WDFY2: variants seen among roughly 807,000 people sequenced by gnomAD.
WDFY2 encodes WD repeat and FYVE domain-containing protein 2.
WDFY2 carries 36 observed loss-of-function variants against 56.4 expected under a neutral mutation model. The observed-to-expected ratio is 0.64, with a 90% CI of 0.49 to 0.84. The LOEUF (loss-of-function observed/expected upper bound fraction) is 0.84, where lower values mean the gene tolerates loss of function less well. Among genes scored for constraint, WDFY2 ranks in the 40% least tolerant of loss-of-function variants. The pLI is 0.00. For missense variants in WDFY2, 444 were observed against 512.2 expected (o/e 0.87, Z 1.29); for synonymous variants, 176 against 183.7 (o/e 0.96, Z 0.34).
chr13:51,741,591 C>T (rs1315367983), intron 7 of WDFY2, among the ~76,000 whole-genome samples: 6 of 152,248 alleles, frequency 3.9e-5, no homozygotes, highest in South Asian at 2.1e-4. Flanking sequence ...GAACAACTTG[C>T]GCAGCCGCCA....
chr13:51,756,525 C>T, intron 10 of WDFY2, 63 bp downstream of exon 10: 1 of 1,548,196 alleles, frequency 6.5e-7, no homozygotes, highest in East Asian at 2.3e-5. Context: ...GAGCCTTGCA[C>T]TCAGCGCCGC....
intron 1 of WDFY2, among the ~76,000 whole-genome samples, chr13:51,653,733 C>G (rs1461489804): frequency 1.3e-5 from 2 of 152,196 alleles, no homozygotes; most frequent in East Asian, 3.9e-4. Flanking sequence ...TATTGGTGAA[C>G]AGCAAATGTT....
chr13:51,614,050 G>T (rs1215296745), intron 1 of WDFY2, among the ~76,000 whole-genome samples: 1 of 151,904 alleles, frequency 6.6e-6, no homozygotes, highest in Non-Finnish European at 1.5e-5. Context: ...GCTGGGCCTG[G>T]TGGTGGGCGC....
intron 1 of WDFY2, among the ~76,000 whole-genome samples, chr13:51,634,303 C>G (rs1397681119): frequency 6.6e-6 from 1 of 151,150 alleles, no homozygotes; most frequent in Non-Finnish European, 1.5e-5. Flanking sequence ...AAATCTTACT[C>G]TGTGAGTTCT....
At chr13:51,759,044 T>C (rs1369705383) in intron 11 of WDFY2, among the ~76,000 whole-genome samples, 1 of 152,022 alleles carries the variant, frequency 6.6e-6, no homozygotes, top group Admixed American at 6.5e-5. Context: ...TAGCCAGACG[T>C]GGTGGTTCCT....
intron 1 of WDFY2, among the ~76,000 whole-genome samples, chr13:51,635,746 C>G (rs990805962): frequency 6.6e-6 from 1 of 152,138 alleles, no homozygotes; most frequent in East Asian, 1.9e-4. Context: ...CTCTCTTACT[C>G]GTAGTACTTT....
intron 5 of WDFY2, among the ~76,000 whole-genome samples, chr13:51,722,450 T>A (rs577789404): frequency 3.8e-4 from 57 of 151,972 alleles, no homozygotes; most frequent in Non-Finnish European, 4.4e-5. Context: ...CAAATATAAA[T>A]GACCTGTAAT....
chr13:51,665,288 C>T (rs918261822), intron 2 of WDFY2, among the ~76,000 whole-genome samples: 1 of 152,182 alleles, frequency 6.6e-6, no homozygotes, highest in Non-Finnish European at 1.5e-5. Context: ...GTAGTAGCTG[C>T]ACATTGCCTG....
intron 1 of WDFY2, among the ~76,000 whole-genome samples, chr13:51,609,697 G>T (rs951474621): frequency 7.9e-5 from 10 of 126,384 alleles, no homozygotes; most frequent in African/African-American, 2.7e-4. Flanking sequence ...GTGATTAAAA[G>T]AAAAAAAATA....
At chr13:51,617,917 A>G (rs1052408561) in intron 1 of WDFY2, among the ~76,000 whole-genome samples, 1 of 152,254 alleles carries the variant, frequency 6.6e-6, no homozygotes, top group African/African-American at 2.4e-5. Context: ...ATTCATTTAC[A>G]AAAGATAAAG....
chr13:51,641,736 G>A (rs1234891916), intron 1 of WDFY2, among the ~76,000 whole-genome samples: 2 of 140,038 alleles, frequency 1.4e-5, no homozygotes, highest in East Asian at 4.5e-4. Context: ...TGAGGCAGGA[G>A]AATGACGTGA....
intron 1 of WDFY2, among the ~76,000 whole-genome samples, chr13:51,637,819 C>A (rs1955081244): frequency 6.6e-6 from 1 of 152,162 alleles, no homozygotes; most frequent in Non-Finnish European, 1.5e-5. Context: ...GTCTTAATTA[C>A]TGTATTTTGC....
Position 51,620,237 on chromosome 13 carries a change from GT to G in WDFY2, c.137+35414del, listed in dbSNP as rs374925595. On this transcript the variant is annotated intron_variant, in intron 1 of 11. Transcript: ENST00000298125. ...GTGGGGGTGGGTGGGTTGGGAGACT[GT>G]GTGGGTGGATGGAATCCATAGACCC... is the stretch of plus-strand genomic sequence containing the variant. Among the ~76,000 whole-genome samples, 971 of 152,116 alleles carry G rather than the reference GT, an allele frequency of 6.4e-3. 13 individuals carry two copies. The highest frequency in any genetic ancestry group is 0.019 in the African/African-American group (808 of 41,436).
intron 1 of WDFY2, among the ~76,000 whole-genome samples, chr13:51,596,970 A>G (rs887043046): frequency 6.6e-6 from 1 of 152,220 alleles, no homozygotes; most frequent in African/African-American, 2.4e-5. Flanking sequence ...TCAGTGTAGT[A>G]TACGGAGAAG....
intron 3 of WDFY2, among the ~76,000 whole-genome samples, chr13:51,688,457 T>TA (rs1056214353): frequency 3.9e-4 from 59 of 152,260 alleles, no homozygotes; most frequent in African/African-American, 1.3e-3. Flanking sequence ...GATCAGTGGA[T>TA]AAAAAATCAA....
In WDFY2 at chr13:51,584,471, C is replaced by A; in HGVS notation, c.-217C>A. Reference sequence around the variant, plus strand: ...TCCGCCCCCTCCTCTTGTAGTGGCGCCGGCTTGCATCCCAGGTCGTGGCGG... The same window carrying A: ...TCCGCCCCCTCCTCTTGTAGTGGCGACGGCTTGCATCCCAGGTCGTGGCGG... On this transcript the variant is annotated 5_prime_UTR_variant, in exon 1 of 12. Transcript: ENST00000298125. 1.7e-6 allele frequency: 1 copy of A among 585,578 alleles called. No individual in the cohort carries two copies. The highest frequency in any genetic ancestry group is 2.8e-6 in the Non-Finnish European group (1 of 354,026). The allele number at this position is 585,578 out of a possible 1,614,324, so 36.3% of individuals were successfully genotyped here.
chr13:51,700,704 G>A (rs1022712568), intron 3 of WDFY2, among the ~76,000 whole-genome samples: 1 of 152,226 alleles, frequency 6.6e-6, no homozygotes, highest in African/African-American at 2.4e-5. Context: ...GGTGGCTCAT[G>A]CCTGTAATCC....
rs1271677984 is a variant in WDFY2, at chr13:51,765,812, G to C, written c.*6043G>C. 6.6e-6 allele frequency: 1 copy of C among 152,062 alleles called. No individual in the cohort carries two copies. The highest frequency in any genetic ancestry group is 1.5e-5 in the Non-Finnish European group (1 of 68,018). 9.4% of individuals were successfully genotyped at this position (152,062 alleles called of 1,614,324 possible). A position where few individuals can be genotyped will look rare whatever the true frequency, so the allele number is the denominator to read the frequency against. On this transcript the variant is annotated 3_prime_UTR_variant, in exon 12 of 12. Transcript: ENST00000298125. ...AAAAATTCTTTTTAAAGATGGTAAGGGTGGAAATTAATCATGGTACCATCT... is the reference window on the plus strand; with the variant it reads ...AAAAATTCTTTTTAAAGATGGTAAGCGTGGAAATTAATCATGGTACCATCT...
At chr13:51,735,208 C>T (rs929181043) in intron 6 of WDFY2, among the ~76,000 whole-genome samples, 3 of 152,208 alleles carry the variant, frequency 2.0e-5, no homozygotes, top group East Asian at 3.8e-4. Flanking sequence ...GTCCTGGATG[C>T]CTCTTGCTTA....
Sources: allele counts gnomAD v4.1 joint callset (sites outside exome capture counted in the v4.1 genomes callset), GRCh38; gene constraint gnomAD v4.1.1; transcripts MANE v1.5; gene names NCBI Gene and HGNC (gene_info 2026-07-23, HGNC 2026-07-21).